The following PLS1 variants were observed in gnomAD, a reference collection of about 807,000 sequenced individuals.
PLS1 encodes the protein plastin-1.
In PLS1, 32 loss-of-function variants were observed where a neutral mutation model predicts 73.7. That is an observed-to-expected ratio of 0.43 (90% CI 0.33 to 0.58). The LOEUF (loss-of-function observed/expected upper bound fraction) is 0.58. PLS1 is among the 20% of genes least tolerant of loss of function. The pLI, the probability that PLS1 is intolerant of heterozygous loss-of-function variation, is 0.04. For synonymous variants in PLS1, 217 were observed against 261.3 expected, an observed-to-expected ratio of 0.83 and a Z score of 1.63; for missense variants, 633 against 740.5, an observed-to-expected ratio of 0.85 and a Z score of 1.68.
At chr3:142,602,312 G>A (rs2035941514) in intron 1 of PLS1, among the ~76,000 whole-genome samples, 2 of 152,218 alleles carry the variant, frequency 1.3e-5, no homozygotes, top group South Asian at 2.1e-4. Context: ...GGGAAACTGG[G>A]AAGCTCACCT....
intron 1 of PLS1, among the ~76,000 whole-genome samples, chr3:142,633,655 TCAAA>T (rs112416121): frequency 0.16 from 23,856 of 151,886 alleles, 2,133 homozygotes; most frequent in African/African-American, 0.25. Flanking sequence ...AAACTCCATC[TCAAA>T]CAAACAAACA....
intron 8 of PLS1, among the ~76,000 whole-genome samples, 169 bp downstream of exon 8, chr3:142,684,564 A>G (rs987122767): frequency 3.9e-5 from 6 of 152,240 alleles, no homozygotes; most frequent in African/African-American, 2.4e-5. Flanking sequence ...CACAAAATAT[A>G]TATTTTCTAA....
In PLS1 at chr3:142,628,516, T is replaced by C. The variant is rs185548345; in HGVS notation, c.-37+32007T>C. Among the ~76,000 whole-genome samples the C allele has an allele frequency of 9.2e-4, 140 of 152,324 alleles. 2 individuals are homozygous for C. Among genetic ancestry groups the C allele is most frequent in the African/African-American group, 3.2e-3 (135 of 41,570 alleles). Reference sequence around the variant, plus strand: ...CTATAATATGTAATATTCAGTCCTGTTCCTTAGCTCACTGGGCTGATGTGA... The same window carrying C: ...CTATAATATGTAATATTCAGTCCTGCTCCTTAGCTCACTGGGCTGATGTGA... On this transcript the variant is annotated intron_variant, in intron 1 of 15. Coordinates refer to ENST00000457734, the MANE Select transcript of PLS1 (RefSeq NM_001145319.2).
chr3:142,632,977 A>G (rs2036598595), intron 1 of PLS1, among the ~76,000 whole-genome samples: 1 of 152,216 alleles, frequency 6.6e-6, no homozygotes, highest in African/African-American at 2.4e-5. Flanking sequence ...GTGGAAGCAA[A>G]CTACATGTCC....
chr3:142,661,580 A>T (rs988545654), intron 1 of PLS1, among the ~76,000 whole-genome samples: 2 of 152,338 alleles, frequency 1.3e-5, no homozygotes, highest in African/African-American at 4.8e-5. Context: ...ATGAAATTTC[A>T]GTGAATAAAT....
At chr3:142,673,613 T>C (rs1309230232) in intron 4 of PLS1, 2 of 152,196 alleles carry the variant, frequency 1.3e-5, no homozygotes, top group African/African-American at 4.8e-5. Flanking sequence ...GTGAGGGCGA[T>C]CTGGCTGCGA....
intron 9 of PLS1, among the ~76,000 whole-genome samples, chr3:142,686,930 G>A (rs1445618423): frequency 6.6e-6 from 1 of 152,188 alleles, no homozygotes; most frequent in Non-Finnish European, 1.5e-5. Context: ...AGGAAAGGAA[G>A]CAACAACCTG....
chr3:142,620,039 C>T (rs2036286579), intron 1 of PLS1, among the ~76,000 whole-genome samples: 1 of 152,146 alleles, frequency 6.6e-6, no homozygotes, highest in African/African-American at 2.4e-5. Flanking sequence ...CCTGGCTGCC[C>T]AGAAACTCTC....
Position 142,683,856 on chromosome 3 carries a change from T to G in PLS1, c.580-150T>G, listed in dbSNP as rs570625273. 69 of 406,512 alleles carry G rather than the reference T, an allele frequency of 1.7e-4. 1 individual carries two copies. In the South Asian group the frequency reaches 2.1e-3, roughly 12 times the overall value. 25.2% of individuals were successfully genotyped at this position (406,512 alleles called of 1,614,324 possible). On this transcript the variant is annotated intron_variant, in intron 6 of 15. Transcript: ENST00000457734. ...ATAAAGTAACAGTTAAAACCATGTG[T>G]TTTTTTTTTTGAGTAGTGGTATTTT... is the stretch of plus-strand genomic sequence containing the variant.
chr3:142,615,597 C>T (rs190932370), intron 1 of PLS1, among the ~76,000 whole-genome samples: 39 of 152,088 alleles, frequency 2.6e-4, no homozygotes, highest in Admixed American at 7.2e-4. Context: ...AGCCTGGGCC[C>T]GTGTCCAAAT....
intron 9 of PLS1, among the ~76,000 whole-genome samples, chr3:142,688,485 C>A (rs1022165106): frequency 5.9e-5 from 9 of 152,154 alleles, no homozygotes; most frequent in African/African-American, 1.7e-4. Context: ...AACTCTCAAT[C>A]TAACAGGAAA....
chr3:142,653,430 G>A (rs967587678), intron 1 of PLS1, among the ~76,000 whole-genome samples: 1 of 148,130 alleles, frequency 6.8e-6, no homozygotes, highest in Non-Finnish European at 1.5e-5. Flanking sequence ...GTGTGATCTC[G>A]GCTCACTGCA....
At chr3:142,644,291 C>T (rs913997801) in intron 1 of PLS1, among the ~76,000 whole-genome samples, 16 of 151,900 alleles carry the variant, frequency 1.1e-4, no homozygotes, top group Admixed American at 1.1e-3. Flanking sequence ...CACTCTGTCG[C>T]CCAAGCTGGA....
chr3:142,690,348 C>T (rs1233292119), intron 10 of PLS1, among the ~76,000 whole-genome samples: 2 of 152,130 alleles, frequency 1.3e-5, no homozygotes, highest in African/African-American at 4.8e-5. Flanking sequence ...CTTTTCTATA[C>T]TCTATAAATA....
At chr3:142,653,217 T>G (rs1375139511) in intron 1 of PLS1, among the ~76,000 whole-genome samples, 2 of 152,152 alleles carry the variant, frequency 1.3e-5, no homozygotes, top group African/African-American at 4.8e-5. Context: ...ACGTCTTTGG[T>G]CTTTGTCTTT....
intron 1 of PLS1, among the ~76,000 whole-genome samples, chr3:142,615,865 C>G (rs993624144): frequency 6.6e-6 from 1 of 152,144 alleles, no homozygotes; most frequent in East Asian, 1.9e-4. Flanking sequence ...AGTGTGGTCC[C>G]CAGACAAGCA....
intron 1 of PLS1, among the ~76,000 whole-genome samples, chr3:142,635,303 T>C (rs374071044): frequency 4.3e-4 from 65 of 151,392 alleles, no homozygotes; most frequent in African/African-American, 1.5e-3. Context: ...ATGGGACAAA[T>C]AGAAAACAAA....
Position 142,711,884 on chromosome 3 carries a change from A to G in PLS1, c.1767A>G (p.Ser589=). ...TTGTCTCTTCAAGATACGCCATTTC[A>G]GTTGCTCGAAAGATCGGTGCCCGGA... ...DKLNNAKYAI[S]VARKIGARIY... is the part of the protein sequence containing the mutation. Residue 589 remains serine (S), a synonymous_variant, in exon 16 of 16, where the codon TCA becomes TCG. Transcript: ENST00000457734. The G allele has an allele frequency of 6.2e-7, 1 of 1,613,686 alleles. No homozygotes were observed. The highest frequency in any genetic ancestry group is 8.5e-7 in the Non-Finnish European group (1 of 1,179,622).
intron 6 of PLS1, among the ~76,000 whole-genome samples, chr3:142,682,946 A>T (rs534012179): frequency 6.6e-6 from 1 of 152,374 alleles, no homozygotes; most frequent in South Asian, 2.1e-4. Context: ...TTTCAGGAGA[A>T]CTATATTTAA....
Sources: gnomAD v4.1 joint callset for allele counts (sites outside exome capture counted in the v4.1 genomes callset) on GRCh38, gnomAD v4.1.1 for gene constraint, MANE v1.5 for transcripts, NCBI Gene and HGNC (gene_info 2026-07-23, HGNC 2026-07-21) for gene names.